Variants in DLGAP1 observed in about 807,000 individuals in gnomAD.
DLGAP1 encodes disks large-associated protein 1.
Under a neutral mutation model 90.8 loss-of-function variants are expected in DLGAP1, and 11 were observed. The ratio of observed to expected loss-of-function variants is 0.12; its 90% CI spans 0.08 to 0.20. DLGAP1 has a LOEUF of 0.20. Ranked by LOEUF, DLGAP1 falls within the 10% of genes least tolerant of loss-of-function variation. The pLI, the probability that DLGAP1 is intolerant of heterozygous loss-of-function variation, is 1.00. For missense variants in DLGAP1, 1,050 were observed against 1,333.8 expected (o/e 0.79, Z 3.31); for synonymous variants, 558 against 540.7 (o/e 1.03, Z -0.44).
intron 2 of DLGAP1, among the ~76,000 whole-genome samples, chr18:4,089,791 G>A (rs149172027): frequency 0.02 from 3,054 of 152,240 alleles, 43 homozygotes; most frequent in South Asian, 0.062. Context: ...CACGCCTGTA[G>A]TCCCAGCACT....
intron 9 of DLGAP1, among the ~76,000 whole-genome samples, chr18:3,562,768 G>C (rs554656702): frequency 6.6e-6 from 1 of 151,224 alleles, no homozygotes; most frequent in South Asian, 2.1e-4. Context: ...TGGGATTACA[G>C]GAATGAGCCA....
chr18:3,802,235 G>A (rs948111295), intron 5 of DLGAP1, among the ~76,000 whole-genome samples: 5 of 149,416 alleles, frequency 3.3e-5, no homozygotes, highest in East Asian at 2.0e-4. Flanking sequence ...CGCCCGCCTC[G>A]GCCTCCCAAA....
intron 1 of DLGAP1, among the ~76,000 whole-genome samples, chr18:4,408,614 G>A (rs1406267205): frequency 6.6e-6 from 1 of 151,824 alleles, no homozygotes; most frequent in Non-Finnish European, 1.5e-5. Context: ...GATAGAAATT[G>A]ATAAAAGATG....
chr18:4,293,984 T>C (rs1319986946), intron 1 of DLGAP1: 1 of 152,230 alleles, frequency 6.6e-6, no homozygotes, highest in Non-Finnish European at 1.5e-5. Context: ...AAACTATACG[T>C]AAATCAGTGT....
chr18:4,346,347 C>T (rs1317051520), intron 1 of DLGAP1, among the ~76,000 whole-genome samples: 1 of 151,972 alleles, frequency 6.6e-6, no homozygotes, highest in Non-Finnish European at 1.5e-5. Flanking sequence ...CTATGCACAT[C>T]CTCTGCAGAA....
chr18:4,423,457 A>G (rs1365782831), intron 1 of DLGAP1, among the ~76,000 whole-genome samples: 3 of 152,246 alleles, frequency 2.0e-5, no homozygotes, highest in African/African-American at 2.4e-5. Flanking sequence ...ACATCAAATT[A>G]CAGAAATAGT....
intron 10 of DLGAP1, among the ~76,000 whole-genome samples, chr18:3,533,061 G>C (rs1236215986): frequency 6.6e-6 from 1 of 152,160 alleles, no homozygotes; most frequent in Non-Finnish European, 1.5e-5. Context: ...GGAGGCCGAG[G>C]TGGGCGGATT....
intron 3 of DLGAP1, among the ~76,000 whole-genome samples, chr18:3,914,352 G>A (rs547412114): frequency 2.0e-5 from 3 of 151,678 alleles, no homozygotes; most frequent in African/African-American, 7.3e-5. Flanking sequence ...ATGTTTTCCA[G>A]ATGCATCCAT....
chr18:4,237,132 T>C (rs1049885194), intron 1 of DLGAP1, among the ~76,000 whole-genome samples: 3 of 152,200 alleles, frequency 2.0e-5, no homozygotes, highest in Non-Finnish European at 4.4e-5. Context: ...TGACTGTGTG[T>C]GCCTTTCTGT....
intron 1 of DLGAP1, among the ~76,000 whole-genome samples, chr18:4,308,116 A>T (rs2080310012): frequency 6.6e-6 from 1 of 152,194 alleles, no homozygotes; most frequent in African/African-American, 2.4e-5. Flanking sequence ...TTGTTCACTT[A>T]TGCACAAGAG....
chr18:4,019,412 A>G (rs1193523007), intron 2 of DLGAP1, among the ~76,000 whole-genome samples: 1 of 152,166 alleles, frequency 6.6e-6, no homozygotes, highest in Non-Finnish European at 1.5e-5. Flanking sequence ...AAGCTTATAA[A>G]TACACATTTT....
chr18:4,048,249 A>T (rs1171629080), intron 2 of DLGAP1, among the ~76,000 whole-genome samples: 1 of 152,228 alleles, frequency 6.6e-6, no homozygotes, highest in Non-Finnish European at 1.5e-5. Flanking sequence ...AGCCATTTTT[A>T]AAAAATGTGT....
intron 1 of DLGAP1, among the ~76,000 whole-genome samples, chr18:4,393,705 G>C (rs1368781766): frequency 6.6e-6 from 1 of 152,120 alleles, no homozygotes; most frequent in Non-Finnish European, 1.5e-5. Flanking sequence ...CCCTTATCTA[G>C]AACAGCAGTC....
At chr18:4,321,680 T>G (rs1409666006) in intron 1 of DLGAP1, among the ~76,000 whole-genome samples, 1 of 152,220 alleles carries the variant, frequency 6.6e-6, no homozygotes, top group African/African-American at 2.4e-5. Context: ...TTCGGTTAAA[T>G]AATACAAAAT....
intron 2 of DLGAP1, among the ~76,000 whole-genome samples, chr18:4,037,313 A>C (rs2074904604): frequency 1.3e-5 from 2 of 152,176 alleles, no homozygotes; most frequent in South Asian, 2.1e-4. Flanking sequence ...ACTAAGAAAA[A>C]TGGCCAGTTT....
rs571318037 is a variant in DLGAP1 at position 4,355,047 on chromosome 18, C to T, written c.-267+99959G>A. ...TAGCGAAAATGTAAAATTGTACAGC[C>T]GCTCTGGGAAACAGTTTGGCAGTGT... On this transcript the variant is annotated intron_variant, in intron 1 of 12. Coordinates refer to ENST00000315677, the MANE Select transcript of DLGAP1 (RefSeq NM_004746.4). Among the ~76,000 whole-genome samples the T allele has an allele frequency of 3.9e-5, 6 of 152,190 alleles. No homozygotes were observed. In the South Asian group the frequency reaches 6.2e-4, roughly 16 times the overall value.
chr18:4,182,324 C>T (rs2077222843), intron 1 of DLGAP1, among the ~76,000 whole-genome samples: 1 of 152,022 alleles, frequency 6.6e-6, no homozygotes, highest in Non-Finnish European at 1.5e-5. Context: ...TTTCACCTCC[C>T]CTCTCTGAAA....
intron 1 of DLGAP1, among the ~76,000 whole-genome samples, chr18:4,212,751 G>A (rs1456384992): frequency 6.6e-6 from 1 of 151,734 alleles, no homozygotes; most frequent in Admixed American, 6.6e-5. Context: ...GGTTAATTGG[G>A]AATCAATATA....
At chr18:3,719,242 G>A (rs986739339) in intron 7 of DLGAP1, among the ~76,000 whole-genome samples, 1 of 151,974 alleles carries the variant, frequency 6.6e-6, no homozygotes, top group Non-Finnish European at 1.5e-5. Flanking sequence ...TGATTATAGT[G>A]GTGGATACAG....
Sources: gnomAD v4.1 joint callset for allele counts (sites outside exome capture counted in the v4.1 genomes callset) on GRCh38, gnomAD v4.1.1 for gene constraint, MANE v1.5 for transcripts, NCBI Gene and HGNC (gene_info 2026-07-23, HGNC 2026-07-21) for gene names.